The following TOPBP1 variants were observed in gnomAD, a reference collection of about 807,000 sequenced individuals.
TOPBP1 encodes the protein DNA topoisomerase II binding protein 1.
In TOPBP1, 28 loss-of-function variants were observed where a neutral mutation model predicts 167.7. The ratio of observed to expected loss-of-function variants is 0.17; its 90% CI spans 0.12 to 0.23. The LOEUF is 0.23. Among genes scored for constraint, TOPBP1 ranks in the 10% least tolerant of loss-of-function variants. TOPBP1 has a pLI of 1.00. For missense variants in TOPBP1, 1,554 were observed against 1,809.6 expected (o/e 0.86, Z 2.56); for synonymous variants, 598 against 611.4 (o/e 0.98, Z 0.32).
In TOPBP1 at chr3:133,655,359, G is replaced by A; in HGVS notation, c.673C>T (p.His225Tyr). ...AATTGTCCCATGTATTGACCTCCAT[G>A]CTTAACTGTGAGTTGCTGAACTTCT... ...RKEVQQLTVK[H>Y]GGQYMGQLKM... Residue 225 changes from histidine (H) to tyrosine (Y), a missense_variant, in exon 6 of 28, where the codon CAT becomes TAT. Physicochemically the swap from His to Tyr is moderately conservative, Grantham distance 83 (BLOSUM62 2). This residue lies in a region of TOPBP1 where 1,197 missense variants were observed against 1,351.5 expected (regional missense o/e 0.89). Transcript: ENST00000260810. 6.2e-7 allele frequency: 1 copy of A among 1,607,574 alleles called. No individual in the cohort carries two copies. Among genetic ancestry groups the A allele is most frequent in the Non-Finnish European group, 8.5e-7 (1 of 1,177,034 alleles).
intron 12 of TOPBP1, among the ~76,000 whole-genome samples, chr3:133,642,444 C>A (rs1218116418): frequency 6.6e-6 from 1 of 152,176 alleles, no homozygotes; most frequent in African/African-American, 2.4e-5. Context: ...ATTGAAGACA[C>A]TGGATCATTT....
intron 12 of TOPBP1, among the ~76,000 whole-genome samples, chr3:133,641,998 C>CT (rs1223723200): frequency 6.6e-6 from 1 of 151,512 alleles, no homozygotes; most frequent in Non-Finnish European, 1.5e-5. Flanking sequence ...ACTATTTGGG[C>CT]TTTTTTTTGG....
intron 5 of TOPBP1, among the ~76,000 whole-genome samples, chr3:133,656,348 T>C (rs916783847): frequency 1.3e-5 from 2 of 152,014 alleles, no homozygotes; most frequent in African/African-American, 4.8e-5. Flanking sequence ...CATATGGGAA[T>C]GGTGTTGAAG....
intron 19 of TOPBP1, among the ~76,000 whole-genome samples, chr3:133,620,885 A>G (rs1266045114): frequency 6.6e-6 from 1 of 151,668 alleles, no homozygotes; most frequent in African/African-American, 2.4e-5. Context: ...CCCTTCAAAG[A>G]CATTTCATCA....
chr3:133,628,301 C>T, intron 16 of TOPBP1, 61 bp downstream of exon 16: 5 of 1,429,402 alleles, frequency 3.5e-6, no homozygotes, highest in Middle Eastern at 2.1e-4. Flanking sequence ...CTCACAATAG[C>T]TTTAGGTTTC....
chr3:133,615,521 T>G (rs1934841942), intron 23 of TOPBP1, among the ~76,000 whole-genome samples: 1 of 152,102 alleles, frequency 6.6e-6, no homozygotes, highest in Non-Finnish European at 1.5e-5. Flanking sequence ...TAATGTTTTC[T>G]CTTTCCATGC....
chr3:133,623,185 A>G lies in TOPBP1; in HGVS notation c.3084T>C (p.Pro1028=), dbSNP rs749100344. The change falls in exon 19 of 28, where the codon CCT becomes CCC. Residue 1028 remains proline (P), a synonymous_variant. Coordinates refer to ENST00000260810, the MANE Select transcript of TOPBP1 (RefSeq NM_007027.4). ...CTACATCATTTTCTTCTAAAATCAA[A>G]GGATCTGGCTATTGAAAAAGAAAAA... ...VSSTKDDEPD[P]LILEENDVDN... is the part of the protein sequence containing the mutation. The G allele has an allele frequency of 3.7e-6, 6 of 1,611,580 alleles. No individual in the cohort carries two copies. Among genetic ancestry groups the G allele is most frequent in the Middle Eastern group, 1.6e-4 (1 of 6,068 alleles).
intron 14 of TOPBP1, 141 bp from the exon 15 acceptor site, chr3:133,628,874 T>C: frequency 1.2e-6 from 1 of 806,402 alleles, no homozygotes; most frequent in Non-Finnish European, 1.9e-6. Flanking sequence ...AATTAATGGA[T>C]TACAGTTTAA....
At chr3:133,630,977 A>C (rs1935454909) in intron 14 of TOPBP1, among the ~76,000 whole-genome samples, 1 of 152,180 alleles carries the variant, frequency 6.6e-6, no homozygotes, top group Non-Finnish European at 1.5e-5. Flanking sequence ...GAACTGCCTG[A>C]GCCCAGGAGT....
chr3:133,610,870 G>A, intron 25 of TOPBP1, 134 bp downstream of exon 25: 1 of 928,820 alleles, frequency 1.1e-6, no homozygotes, highest in Non-Finnish European at 1.6e-6. Context: ...ATTTTTAAAA[G>A]AGCCATCAAA....
intron 4 of TOPBP1, among the ~76,000 whole-genome samples, chr3:133,657,426 G>C (rs2107836447): frequency 6.7e-6 from 1 of 149,118 alleles, no homozygotes; most frequent in East Asian, 2.0e-4. Context: ...CTGTCACCCA[G>C]GCTGCAGTGC....
intron 19 of TOPBP1, 112 bp from the exon 20 acceptor site, chr3:133,620,459 T>C: frequency 9.6e-7 from 1 of 1,042,808 alleles, no homozygotes; most frequent in Non-Finnish European, 1.4e-6. Context: ...ACTTGACATT[T>C]ACTGAATATT....
intron 25 of TOPBP1, among the ~76,000 whole-genome samples, chr3:133,610,619 G>A (rs959035544): frequency 2.1e-5 from 3 of 144,856 alleles, no homozygotes; most frequent in African/African-American, 7.7e-5. Flanking sequence ...AAAGCATGAT[G>A]TAGGCTGATT....
In TOPBP1 at chr3:133,643,927, T is replaced by C. The variant is rs1935985694; in HGVS notation, c.1848+93A>G. ...GAGTGTTCAAGTCCAAGCATTGATTTACTGTAACTGAACTGTCTAAGAAAT... is the reference window on the plus strand; with the variant it reads ...GAGTGTTCAAGTCCAAGCATTGATTCACTGTAACTGAACTGTCTAAGAAAT... On this transcript the variant is annotated intron_variant, in intron 11 of 27. Coordinates refer to ENST00000260810, the MANE Select transcript of TOPBP1 (RefSeq NM_007027.4). The C allele has an allele frequency of 8.6e-6, 11 of 1,277,082 alleles. No individual in the cohort carries two copies. In the South Asian group the frequency reaches 1.6e-4, roughly 18 times the overall value. The allele number at this position is 1,277,082 out of a possible 1,614,324, so 79.1% of individuals were successfully genotyped here.
In TOPBP1 at chr3:133,638,065, G is replaced by A. The variant is rs749202540; in HGVS notation, c.2331C>T (p.Val777=). The part of the protein sequence containing the change: ...GTRLQTHRKT[V]VTPLDMNRFQ... ...AGCGGTTCATATCTAAAGGTGTAAC[G>A]ACGGTTTTTCTGTGAGTTTGCAGGC... Residue 777 remains valine (V), a synonymous_variant, in exon 14 of 28, where the codon GTC becomes GTT. Transcript: ENST00000260810. 5.6e-6 allele frequency: 9 copies of A among 1,613,870 alleles called. No homozygotes were observed. Among genetic ancestry groups the A allele is most frequent in the Admixed American group, 5.0e-5 (3 of 59,990 alleles).
intron 27 of TOPBP1, among the ~76,000 whole-genome samples, chr3:133,604,100 G>A (rs1017294038): frequency 2.0e-5 from 3 of 151,638 alleles, no homozygotes; most frequent in Non-Finnish European, 4.4e-5. Flanking sequence ...ATGAACACAA[G>A]TTGACAATAT....
intron 2 of TOPBP1, among the ~76,000 whole-genome samples, chr3:133,659,537 C>T (rs1936608003): frequency 6.6e-6 from 1 of 152,156 alleles, no homozygotes; most frequent in African/African-American, 2.4e-5. Context: ...CAGCCACTCC[C>T]GCTTTCTTGC....
intron 8 of TOPBP1, among the ~76,000 whole-genome samples, chr3:133,651,171 C>CT (rs1176625452): frequency 0.01 from 825 of 82,098 alleles, 2 homozygotes; most frequent in African/African-American, 0.016. Context: ...CCGAATTTCC[C>CT]TTTTTTTTTT....
chr3:133,625,917 A>G (rs17373726), intron 16 of TOPBP1, among the ~76,000 whole-genome samples: 21,878 of 152,178 alleles, frequency 0.14, 1,894 homozygotes, highest in Non-Finnish European at 0.2. Context: ...TATCAAGATA[A>G]TTCAGAAAAA....
Sources: allele counts gnomAD v4.1 joint callset (sites outside exome capture counted in the v4.1 genomes callset), GRCh38; gene constraint gnomAD v4.1.1; regional missense constraint gnomAD v4.1.1; transcripts MANE v1.5; gene names NCBI Gene and HGNC (gene_info 2026-07-23, HGNC 2026-07-21).